The following COL22A1 variants were observed in gnomAD, a reference collection of about 807,000 sequenced individuals.
The protein encoded by COL22A1 is collagen alpha-1(XXII) chain.
A neutral mutation model predicts 248.9 loss-of-function variants in COL22A1; 221 were observed. The observed-to-expected ratio is 0.89, with a 90% CI of 0.80 to 0.99. COL22A1 has a LOEUF of 0.99. Among genes scored for constraint, COL22A1 ranks in the 50% least tolerant of loss-of-function variants. COL22A1 has a pLI of 0.00. For synonymous variants in COL22A1, 891 were observed against 793.4 expected, an observed-to-expected ratio of 1.12 and a Z score of -2.07; for missense variants, 2,240 against 2,179.0, an observed-to-expected ratio of 1.03 and a Z score of -0.56.
intron 4 of COL22A1, among the ~76,000 whole-genome samples, chr8:138,836,236 A>G (rs993272565): frequency 6.6e-6 from 1 of 152,078 alleles, no homozygotes; most frequent in Non-Finnish European, 1.5e-5. Context: ...GCACCACAGC[A>G]CTCCAGCCTG....
chr8:138,752,317 C>A (rs1330346933), intron 21 of COL22A1, among the ~76,000 whole-genome samples: 3 of 152,246 alleles, frequency 2.0e-5, no homozygotes, highest in African/African-American at 4.8e-5. Flanking sequence ...GCCCTCTCTG[C>A]ATTTCAATTT....
rs771244602 is a variant in COL22A1 at position 138,720,780 on chromosome 8, C to T, written c.2314G>A (p.Glu772Lys). The part of the protein sequence containing the change: ...GPPGTKGEPG[E>K]RGEDGLPGKP... ...CCAGGCAGACCATCTTCCCCTCTTT[C>T]TCCTGGTTCTCCCTGGAAGGAATAC... The change falls in exon 27 of 65, where the codon GAA (glutamate) becomes AAA (lysine). Residue 772 changes from glutamate (E) to lysine (K), a missense_variant. By Grantham distance (56) the Glu-to-Lys change is moderately conservative (BLOSUM62 1). Coordinates refer to ENST00000303045, the MANE Select transcript of COL22A1 (RefSeq NM_152888.3). 6.2e-7 allele frequency: 1 copy of T among 1,613,756 alleles called. No homozygotes were observed. The highest frequency in any genetic ancestry group is 1.7e-5 in the Admixed American group (1 of 60,020).
At chr8:138,735,982 C>T (rs745707421) in intron 23 of COL22A1, among the ~76,000 whole-genome samples, 6 of 152,120 alleles carry the variant, frequency 3.9e-5, no homozygotes, top group Non-Finnish European at 8.8e-5. Flanking sequence ...TGCTTTACCA[C>T]AGCTCCAGGA....
chr8:138,821,206 TC>T lies in COL22A1; in HGVS notation c.1174del (p.Glu392AsnfsTer12). The T allele has an allele frequency of 6.2e-7, 1 of 1,614,200 alleles. No homozygotes were observed. Among genetic ancestry groups the T allele is most frequent in the Non-Finnish European group, 8.5e-7 (1 of 1,180,032 alleles). Reference protein sequence around the residue: ...CALVQTLPIEERENIDIQGKT... With the variant: ...CALVQTLPIEXRENIDIQGKT... ...GCCCTGGATGTCAATGTTCTCCCGTTCCTCGATGGGTAGTGTCTGCACCAGC... is the reference window on the plus strand; with the variant it reads ...GCCCTGGATGTCAATGTTCTCCCGTTCTCGATGGGTAGTGTCTGCACCAGC... On this transcript the variant is annotated frameshift_variant, in exon 7 of 65. Transcript: ENST00000303045. LOFTEE classifies it high-confidence loss of function.
At chr8:138,689,314 C>T (rs556573898) in intron 36 of COL22A1, among the ~76,000 whole-genome samples, 1 of 152,264 alleles carries the variant, frequency 6.6e-6, no homozygotes, top group Non-Finnish European at 1.5e-5. Flanking sequence ...CCTTAAGAAC[C>T]CAGCCTTAGC....
chr8:138,873,698 T>G (rs1033531685), intron 3 of COL22A1, among the ~76,000 whole-genome samples: 1 of 152,222 alleles, frequency 6.6e-6, no homozygotes, highest in Non-Finnish European at 1.5e-5. Context: ...TACTGCGTCA[T>G]GGGCACCTGG....
At chr8:138,684,336 G>A (rs1328570747) in intron 39 of COL22A1, 89 bp downstream of exon 39, 1 of 837,012 alleles carries the variant, frequency 1.2e-6, no homozygotes, top group Non-Finnish European at 2.1e-6. Flanking sequence ...GTGGACTGAG[G>A]TAACCGGAGA....
intron 12 of COL22A1, among the ~76,000 whole-genome samples, chr8:138,789,458 A>G (rs533313248): frequency 3.0e-4 from 45 of 152,376 alleles, no homozygotes; most frequent in African/African-American, 8.9e-4. Flanking sequence ...TAAGCCAGCC[A>G]TGAACAAAGA....
At chr8:138,770,871 C>T (rs768919136) in intron 16 of COL22A1, among the ~76,000 whole-genome samples, 11 of 152,172 alleles carry the variant, frequency 7.2e-5, no homozygotes, top group Admixed American at 2.6e-4. Context: ...ACCCCTTCTC[C>T]GTGTCTGTTT....
At chr8:138,793,965 C>A (rs925835519) in intron 12 of COL22A1, among the ~76,000 whole-genome samples, 4 of 152,190 alleles carry the variant, frequency 2.6e-5, no homozygotes, top group Non-Finnish European at 5.9e-5. Context: ...AGGTACAACC[C>A]AGACCGAGTG....
chr8:138,634,922 T>C, intron 49 of COL22A1, 88 bp downstream of exon 49: 1 of 906,954 alleles, frequency 1.1e-6, no homozygotes, highest in Non-Finnish European at 1.8e-6. Context: ...ATGAGAGATA[T>C]GCTCAGTGTC....
chr8:138,705,891 C>T (rs1018511677), intron 30 of COL22A1, among the ~76,000 whole-genome samples: 30 of 152,148 alleles, frequency 2.0e-4, no homozygotes, highest in Non-Finnish European at 4.1e-4. Context: ...AGACCCATCT[C>T]ACATGCAGAG....
chr8:138,884,916 G>A (rs1262186939), intron 1 of COL22A1, among the ~76,000 whole-genome samples: 1 of 152,162 alleles, frequency 6.6e-6, no homozygotes, highest in Admixed American at 6.5e-5. Flanking sequence ...GATTAACCGT[G>A]AAGAAAATAG....
chr8:138,786,171 C>T (rs776853196), intron 12 of COL22A1, among the ~76,000 whole-genome samples: 3 of 152,246 alleles, frequency 2.0e-5, no homozygotes, highest in South Asian at 2.1e-4. Flanking sequence ...GAAAACTAGG[C>T]GTGTTGGTTT....
intron 16 of COL22A1, among the ~76,000 whole-genome samples, chr8:138,765,462 C>T (rs35186067): frequency 0.32 from 48,405 of 152,098 alleles, 8,293 homozygotes; most frequent in African/African-American, 0.45. Flanking sequence ...TTCCTTGTGA[C>T]AGGCCACCCT....
At chr8:138,687,051 G>T (rs1053976500) in intron 37 of COL22A1, among the ~76,000 whole-genome samples, 5 of 152,168 alleles carry the variant, frequency 3.3e-5, no homozygotes, top group Non-Finnish European at 7.4e-5. Flanking sequence ...CCGCTTCCCA[G>T]GTTCAAGCGA....
chr8:138,613,839 A>G (rs1819099309), intron 56 of COL22A1, 28 bp downstream of exon 56: 2 of 1,600,240 alleles, frequency 1.2e-6, no homozygotes, highest in African/African-American at 1.3e-5. Flanking sequence ...AATAACATGA[A>G]GCACATTAGT....
At chr8:138,772,464 TTC>T (rs1834454092) in intron 16 of COL22A1, among the ~76,000 whole-genome samples, 1 of 152,082 alleles carries the variant, frequency 6.6e-6, no homozygotes. Context: ...CCAGCAAGAC[TTC>T]TGAGGGAGAG....
intron 33 of COL22A1, 120 bp from the exon 34 acceptor site, chr8:138,694,681 G>C: frequency 7.4e-7 from 1 of 1,359,394 alleles, no homozygotes; most frequent in South Asian, 1.3e-5. Context: ...CGTAGCTAGC[G>C]TCCTGAGGAG....
Sources: gnomAD v4.1 joint callset for allele counts (sites outside exome capture counted in the v4.1 genomes callset) on GRCh38, gnomAD v4.1.1 for gene constraint, MANE v1.5 for transcripts, NCBI Gene and HGNC (gene_info 2026-07-23, HGNC 2026-07-21) for gene names.